Variants in TAFA1 observed in about 807,000 individuals in gnomAD.
The protein encoded by TAFA1 is TAFA chemokine like family member 1.
In TAFA1, 4 loss-of-function variants were observed where a neutral mutation model predicts 18.5. The observed-to-expected ratio is 0.22, with a 90% CI of 0.11 to 0.49. The LOEUF (loss-of-function observed/expected upper bound fraction) is 0.49. Ranked by LOEUF, TAFA1 falls within the 20% of genes least tolerant of loss-of-function variation. The pLI, the probability that TAFA1 is intolerant of heterozygous loss-of-function variation, is 0.98. For synonymous variants in TAFA1, 56 were observed against 55.2 expected (o/e 1.01, Z -0.06); for missense variants, 147 against 169.0 (o/e 0.87, Z 0.72).
At chr3:68,519,462 A>ATAG (rs1242823462) in intron 3 of TAFA1, among the ~76,000 whole-genome samples, 1 of 152,212 alleles carries the variant, frequency 6.6e-6, no homozygotes, top group African/African-American at 2.4e-5. Context: ...ATTGTTAATG[A>ATAG]TTACCTCATA....
At chr3:68,126,125 G>A (rs2065462132) in intron 2 of TAFA1, among the ~76,000 whole-genome samples, 1 of 152,088 alleles carries the variant, frequency 6.6e-6, no homozygotes, top group Non-Finnish European at 1.5e-5. Flanking sequence ...TCTGATTTCT[G>A]GGGACCCAAA....
chr3:68,369,313 G>T (rs1214448691), intron 2 of TAFA1, among the ~76,000 whole-genome samples: 1 of 152,140 alleles, frequency 6.6e-6, no homozygotes, highest in South Asian at 2.1e-4. Context: ...TCCTTGGATC[G>T]GAGTATCTTT....
chr3:68,483,640 T>C (rs1316796363), intron 3 of TAFA1, among the ~76,000 whole-genome samples: 1 of 152,188 alleles, frequency 6.6e-6, no homozygotes, highest in African/African-American at 2.4e-5. Context: ...GAGATGTGGT[T>C]GGAAGAGTCA....
At chr3:68,058,456 A>G (rs986250434) in intron 2 of TAFA1, among the ~76,000 whole-genome samples, 1 of 152,158 alleles carries the variant, frequency 6.6e-6, no homozygotes, top group Non-Finnish European at 1.5e-5. Flanking sequence ...AGCTTGAATC[A>G]ATTCTGTAAG....
At chr3:68,187,269 G>A (rs1426555773) in intron 2 of TAFA1, among the ~76,000 whole-genome samples, 1 of 151,752 alleles carries the variant, frequency 6.6e-6, no homozygotes, top group African/African-American at 2.4e-5. Context: ...AAAAAGAATT[G>A]TACAAATATA....
chr3:68,324,353 ATCT>A, intron 2 of TAFA1, among the ~76,000 whole-genome samples: 1 of 152,322 alleles, frequency 6.6e-6, no homozygotes, highest in Admixed American at 6.5e-5. Flanking sequence ...ATATATACAC[ATCT>A]TCTCATAATA....
At chr3:68,422,555 T>C (rs1350000818) in intron 3 of TAFA1, among the ~76,000 whole-genome samples, 2 of 152,070 alleles carry the variant, frequency 1.3e-5, no homozygotes, top group African/African-American at 4.8e-5. Context: ...TTGGATTGCT[T>C]TAAGGTTGAG....
intron 2 of TAFA1, among the ~76,000 whole-genome samples, chr3:68,321,183 G>A (rs778406550): frequency 1.3e-5 from 2 of 152,148 alleles, no homozygotes; most frequent in Non-Finnish European, 2.9e-5. Flanking sequence ...TTATGAGGTG[G>A]ATGTAGTCTA....
chr3:68,037,334 G>A (rs1221545375), intron 2 of TAFA1, among the ~76,000 whole-genome samples: 4 of 152,108 alleles, frequency 2.6e-5, no homozygotes, highest in South Asian at 2.1e-4. Flanking sequence ...GATGTGCAGG[G>A]CCTTGTGTAT....
intron 3 of TAFA1, among the ~76,000 whole-genome samples, chr3:68,518,735 A>T (rs1482614594): frequency 6.6e-6 from 1 of 152,194 alleles, no homozygotes; most frequent in Admixed American, 6.5e-5. Context: ...AGGGGTTAAG[A>T]CAAGGTCCCA....
chr3:68,500,256 T>C (rs895614415), intron 3 of TAFA1, among the ~76,000 whole-genome samples: 12 of 152,172 alleles, frequency 7.9e-5, no homozygotes, highest in Non-Finnish European at 2.9e-5. Context: ...CTCTCCATCA[T>C]GAAGGACCTT....
chr3:68,483,373 C>A (rs1296599139), intron 3 of TAFA1, among the ~76,000 whole-genome samples: 1 of 152,202 alleles, frequency 6.6e-6, no homozygotes, highest in East Asian at 1.9e-4. Flanking sequence ...GTACCCGGAT[C>A]TATATAATGC....
chr3:68,400,659 T>C (rs1015583527), intron 2 of TAFA1, among the ~76,000 whole-genome samples: 2 of 152,206 alleles, frequency 1.3e-5, no homozygotes, highest in African/African-American at 4.8e-5. Context: ...GTATAAATCT[T>C]ATATATACTG....
Position 68,218,449 on chromosome 3 carries a change from C to T in TAFA1, c.119-198831C>T, listed in dbSNP as rs116737443. On this transcript the variant is annotated intron_variant, in intron 2 of 4. Coordinates refer to ENST00000478136, the MANE Select transcript of TAFA1 (RefSeq NM_213609.4). The stretch of plus-strand genomic sequence containing the variant: ...TGGCTTGTGACTGATTCCCAGGTCA[C>T]GGTATGGGGATGAGGAATGAGTCGA... Among the ~76,000 whole-genome samples, 16 of 152,122 alleles carry T rather than the reference C, an allele frequency of 1.1e-4. No individual in the cohort carries two copies. In the East Asian group the frequency reaches 1.7e-3, roughly 17 times the overall value.
At chr3:68,370,490 ATAT>A (rs2069680453) in intron 2 of TAFA1, among the ~76,000 whole-genome samples, 4 of 93,000 alleles carry the variant, frequency 4.3e-5, no homozygotes, top group African/African-American at 1.6e-4. Flanking sequence ...ATATATATAT[ATAT>A]ATATATATAT....
At chr3:68,541,000 A>G (rs1047813563) in intron 4 of TAFA1, among the ~76,000 whole-genome samples, 6 of 152,182 alleles carry the variant, frequency 3.9e-5, no homozygotes, top group African/African-American at 1.4e-4. Context: ...GGTGGGCTGA[A>G]TTCAACTCAA....
intron 2 of TAFA1, among the ~76,000 whole-genome samples, chr3:68,385,637 A>G (rs1044998189): frequency 1.3e-5 from 2 of 152,096 alleles, no homozygotes; most frequent in Non-Finnish European, 2.9e-5. Flanking sequence ...AGTGTTTGCT[A>G]TGACTAGATT....
intron 2 of TAFA1, among the ~76,000 whole-genome samples, chr3:68,096,584 G>A (rs1442912212): frequency 6.6e-6 from 1 of 152,036 alleles, no homozygotes; most frequent in Non-Finnish European, 1.5e-5. Context: ...TTTTCCAGCT[G>A]GGGAAACTAA....
chr3:68,414,169 T>C (rs2070768655), intron 2 of TAFA1, among the ~76,000 whole-genome samples: 1 of 152,084 alleles, frequency 6.6e-6, no homozygotes, highest in Non-Finnish European at 1.5e-5. Context: ...TAGCTGGGCA[T>C]GGTGGTGCAT....
Sources: gnomAD v4.1 joint callset for allele counts (sites outside exome capture counted in the v4.1 genomes callset) on GRCh38, gnomAD v4.1.1 for gene constraint, MANE v1.5 for transcripts, NCBI Gene and HGNC (gene_info 2026-07-23, HGNC 2026-07-21) for gene names.